Variants in PAN3 observed in about 807,000 individuals in gnomAD.
The protein encoded by PAN3 is poly(A) specific ribonuclease subunit PAN3.
Under a neutral mutation model 96.2 loss-of-function variants are expected in PAN3, and 19 were observed. That is an observed-to-expected ratio of 0.20 (90% CI 0.14 to 0.29). The LOEUF (loss-of-function observed/expected upper bound fraction) is 0.29, where lower values mean the gene tolerates loss of function less well. PAN3 is among the 10% of genes least tolerant of loss of function. The probability of loss-of-function intolerance (pLI) is 1.00; values close to 1 mark genes in which losing one functional copy is unlikely to be tolerated. For missense variants in PAN3, 882 were observed against 1,108.1 expected, an observed-to-expected ratio of 0.80 and a Z score of 2.90; for synonymous variants, 433 against 406.6, an observed-to-expected ratio of 1.06 and a Z score of -0.78.
At chr13:28,169,074 T>TA (rs1338115292) in intron 1 of PAN3, among the ~76,000 whole-genome samples, 3 of 152,098 alleles carry the variant, frequency 2.0e-5, no homozygotes, top group Admixed American at 2.0e-4. Context: ...AGGATTTACT[T>TA]AAAGTAGCTT....
At chr13:28,229,511 A>G (rs1373927192) in intron 6 of PAN3, among the ~76,000 whole-genome samples, 2 of 152,122 alleles carry the variant, frequency 1.3e-5, no homozygotes, top group Non-Finnish European at 2.9e-5. Context: ...TACATATCCA[A>G]GTTTGTAGAG....
chr13:28,166,622 C>T (rs1486566450), intron 1 of PAN3, among the ~76,000 whole-genome samples: 1 of 152,236 alleles, frequency 6.6e-6, no homozygotes, highest in Non-Finnish European at 1.5e-5. Flanking sequence ...CTCTCTGCTG[C>T]AGCCTGCCCC....
At chr13:28,157,741 A>T (rs773866986) in intron 1 of PAN3, among the ~76,000 whole-genome samples, 2 of 152,254 alleles carry the variant, frequency 1.3e-5, no homozygotes, top group African/African-American at 2.4e-5. Context: ...ATGCTCATGG[A>T]TAGGAAGAAT....
chr13:28,159,138 A>T lies in PAN3; in HGVS notation c.431-15134A>T, dbSNP rs140333749. 2.9e-3 allele frequency among the ~76,000 whole-genome samples: 446 copies of T among 152,314 alleles called. 1 individual carries two copies. Among genetic ancestry groups the T allele is most frequent in the African/African-American group, 9.8e-3 (407 of 41,560 alleles). On this transcript the variant is annotated intron_variant, in intron 1 of 18. Coordinates refer to ENST00000380958, the MANE Select transcript of PAN3 (RefSeq NM_175854.8). ...CCAAAGGCATATACGTTGTTCTGTC[A>T]TAAAGACGCATGAATATGTTCATTG... is the stretch of plus-strand genomic sequence containing the variant.
chr13:28,198,753 C>T (rs1374640149), intron 5 of PAN3, among the ~76,000 whole-genome samples: 1 of 152,158 alleles, frequency 6.6e-6, no homozygotes, highest in Non-Finnish European at 1.5e-5. Context: ...CCTATAATCC[C>T]ACATGTACAT....
chr13:28,203,959 C>T lies in PAN3; in HGVS notation c.852+6613C>T, dbSNP rs1747272. Reference sequence around the variant, plus strand: ...GCTGGGATACAGGCACACTCCACCACGCCCAGCTAATTTTTGTATTTTTAA... The same window carrying T: ...GCTGGGATACAGGCACACTCCACCATGCCCAGCTAATTTTTGTATTTTTAA... On this transcript the variant is annotated intron_variant, in intron 5 of 18. Coordinates refer to ENST00000380958, the MANE Select transcript of PAN3 (RefSeq NM_175854.8). Among the ~76,000 whole-genome samples the T allele has an allele frequency of 9.2e-3, 1,401 of 151,888 alleles. 19 individuals are homozygous for T. Among genetic ancestry groups the T allele is most frequent in the African/African-American group, 0.032 (1,338 of 41,446 alleles).
At chr13:28,232,295 A>G (rs1279205578) in intron 6 of PAN3, among the ~76,000 whole-genome samples, 1 of 152,228 alleles carries the variant, frequency 6.6e-6, no homozygotes, top group African/African-American at 2.4e-5. Context: ...CATAAAGAGC[A>G]TAGTCTTTGA....
chr13:28,163,033 A>T (rs1465490167), intron 1 of PAN3, among the ~76,000 whole-genome samples: 3 of 151,962 alleles, frequency 2.0e-5, no homozygotes, highest in Non-Finnish European at 4.4e-5. Context: ...ATGCAGGAGG[A>T]TCACTTGAGC....
intron 7 of PAN3, among the ~76,000 whole-genome samples, chr13:28,259,687 G>A (rs1442371169): frequency 6.6e-6 from 1 of 151,544 alleles, no homozygotes; most frequent in Non-Finnish European, 1.5e-5. Context: ...TGCCTAGGCT[G>A]GAGTACAATG....
chr13:28,262,297 T>C (rs142341395), intron 9 of PAN3, among the ~76,000 whole-genome samples: 5 of 152,328 alleles, frequency 3.3e-5, no homozygotes, highest in African/African-American at 1.2e-4. Flanking sequence ...TAAAGTATCT[T>C]TCCTTAGCTT....
intron 4 of PAN3, among the ~76,000 whole-genome samples, chr13:28,187,341 A>AT (rs1238400233): frequency 2.0e-5 from 3 of 151,732 alleles, no homozygotes; most frequent in African/African-American, 7.3e-5. Context: ...AAATACAACA[A>AT]TTTTTTTCAC....
At position 28,174,345 on chromosome 13, in the gene PAN3, A is replaced by G; in HGVS notation, c.504A>G (p.Gly168=). The part of the protein sequence containing the change: ...TDSYFSTSFI[G]VNGFGSPVET... ...CCTATTTTAGCACCAGCTTTATTGG[A>G]GTCAATGGATTTGGAAGCCCTGTAG... The change falls in exon 2 of 19, where the codon GGA becomes GGG. Residue 168 remains glycine (G), a synonymous_variant. Transcript: ENST00000380958. The G allele has an allele frequency of 1.2e-6, 2 of 1,612,984 alleles. No individual in the cohort carries two copies. The highest frequency in any genetic ancestry group is 1.7e-6 in the Non-Finnish European group (2 of 1,179,040).
rs570372855 is a variant in PAN3 at position 28,209,094 on chromosome 13, G to T, written c.853-11137G>T. On this transcript the variant is annotated intron_variant, in intron 5 of 18. Coordinates refer to ENST00000380958, the MANE Select transcript of PAN3 (RefSeq NM_175854.8). ...CAATGTAAATGTTTTGTAAATAGTT[G>T]CTATACTGTATTGTTTTTGTTTGTA... 2.6e-5 allele frequency among the ~76,000 whole-genome samples: 4 copies of T among 152,246 alleles called. No homozygotes were observed. In the South Asian group the frequency reaches 8.3e-4, roughly 32 times the overall value.
intron 4 of PAN3, among the ~76,000 whole-genome samples, chr13:28,187,335 A>G (rs1022074542): frequency 6.6e-6 from 1 of 152,204 alleles, no homozygotes; most frequent in Non-Finnish European, 1.5e-5. Context: ...TCAAAAAAAT[A>G]CAACAATTTT....
At chr13:28,239,522 T>G (rs1883449610) in intron 6 of PAN3, 3 of 970,996 alleles carry the variant, frequency 3.1e-6, no homozygotes, top group Non-Finnish European at 4.2e-6. Flanking sequence ...TCCACTTGGG[T>G]GTTGAAAGAG....
chr13:28,263,033 T>G, intron 9 of PAN3, among the ~76,000 whole-genome samples: 1 of 152,214 alleles, frequency 6.6e-6, no homozygotes, highest in Admixed American at 6.5e-5. Context: ...AAAGCATAAC[T>G]TCCAGTCAAA....
At chr13:28,260,286 C>T (rs1052938214) in intron 7 of PAN3, among the ~76,000 whole-genome samples, 161 bp from the exon 8 acceptor site, 3 of 151,938 alleles carry the variant, frequency 2.0e-5, no homozygotes, top group South Asian at 2.1e-4. Flanking sequence ...ATCCCAGCTA[C>T]GTGAGGCTGA....
At chr13:28,237,488 T>A (rs567222568) in intron 6 of PAN3, among the ~76,000 whole-genome samples, 1 of 152,228 alleles carries the variant, frequency 6.6e-6, no homozygotes, top group South Asian at 2.1e-4. Context: ...AGAACATTAG[T>A]TTTCATACAT....
chr13:28,162,555 G>A (rs545850868), intron 1 of PAN3, among the ~76,000 whole-genome samples: 257 of 151,912 alleles, frequency 1.7e-3, no homozygotes, highest in African/African-American at 5.1e-3. Context: ...GCGTGGTGGC[G>A]CACACCTGTA....
Sources: allele counts gnomAD v4.1 joint callset (sites outside exome capture counted in the v4.1 genomes callset), GRCh38; gene constraint gnomAD v4.1.1; transcripts MANE v1.5; gene names NCBI Gene and HGNC (gene_info 2026-07-23, HGNC 2026-07-21).